The following KDM4C variants were observed in gnomAD, a reference collection of about 807,000 sequenced individuals.
KDM4C encodes the protein lysine demethylase 4C.
In KDM4C, 81 loss-of-function variants were observed where a neutral mutation model predicts 129.3. The ratio of observed to expected loss-of-function variants is 0.63; its 90% CI spans 0.52 to 0.75. The LOEUF is 0.75. Ranked by LOEUF, KDM4C falls within the 30% of genes least tolerant of loss-of-function variation. The pLI, the probability that KDM4C is intolerant of heterozygous loss-of-function variation, is 0.00. For synonymous variants in KDM4C, 573 were observed against 456.1 expected, an observed-to-expected ratio of 1.26 and a Z score of -3.26; for missense variants, 1,457 against 1,304.0, an observed-to-expected ratio of 1.12 and a Z score of -1.81.
chr9:6,974,606 C>G (rs1179743667), intron 8 of KDM4C, among the ~76,000 whole-genome samples: 6 of 152,176 alleles, frequency 3.9e-5, no homozygotes, highest in African/African-American at 1.2e-4. Context: ...GCTCTGCCCG[C>G]TTCGGCCTCT....
In KDM4C at chr9:7,054,780, G is replaced by C. The variant is rs555912291; in HGVS notation, c.2424+5580G>C. On this transcript the variant is annotated intron_variant, in intron 17 of 21. Coordinates refer to ENST00000381309, the MANE Select transcript of KDM4C (RefSeq NM_015061.6). Reference sequence around the variant, plus strand: ...TGGTATTTTTGTAAATAAGCCAGCAGAGCAGGTTTGTGGGTTTTAAGAAAT... The same window carrying C: ...TGGTATTTTTGTAAATAAGCCAGCACAGCAGGTTTGTGGGTTTTAAGAAAT... Among the ~76,000 whole-genome samples, 46 of 152,310 alleles carry C rather than the reference G, an allele frequency of 3.0e-4. 1 individual carries two copies. The highest frequency in any genetic ancestry group is 2.4e-3 in the Admixed American group (37 of 15,304).
At chr9:6,821,997 C>G (rs1240651462) in intron 4 of KDM4C, among the ~76,000 whole-genome samples, 1 of 152,144 alleles carries the variant, frequency 6.6e-6, no homozygotes, top group East Asian at 1.9e-4. Flanking sequence ...ACTAAAAAAT[C>G]TGAACACCAT....
chr9:7,123,552 T>C (rs56071158), intron 18 of KDM4C, among the ~76,000 whole-genome samples: 28,934 of 152,164 alleles, frequency 0.19, 2,869 homozygotes, highest in East Asian at 0.29. Context: ...CATCCATTCA[T>C]TCATTCACTG....
intron 9 of KDM4C, among the ~76,000 whole-genome samples, chr9:6,981,641 CT>C (rs1366145206): frequency 6.6e-6 from 1 of 152,146 alleles, no homozygotes. Context: ...TCCTTGTGAA[CT>C]TTATTCTCCA....
chr9:6,832,724 C>CTTTTT (rs35060245), intron 4 of KDM4C, among the ~76,000 whole-genome samples: 10 of 119,510 alleles, frequency 8.4e-5, no homozygotes, highest in African/African-American at 2.6e-4. Context: ...TGTGCCCGGC[C>CTTTTT]TTTTTTTTTT....
At chr9:6,757,618 C>T, upstream of KDM4C, 5 of 985,428 alleles carry the variant, frequency 5.1e-6, no homozygotes, top group Non-Finnish European at 6.0e-6. Flanking sequence ...TAACGCCACG[C>T]TGACGTCCGC....
intron 8 of KDM4C, among the ~76,000 whole-genome samples, chr9:6,934,172 A>T (rs1449266888): frequency 1.3e-5 from 2 of 151,614 alleles, no homozygotes; most frequent in Non-Finnish European, 2.9e-5. Context: ...CTGATTGTAA[A>T]AAAAATCACT....
chr9:6,734,376 C>G (rs1183926053), intron 1 of KDM4C, among the ~76,000 whole-genome samples: 1 of 148,400 alleles, frequency 6.7e-6, no homozygotes, highest in Non-Finnish European at 1.5e-5. Context: ...CCCACCACAA[C>G]CTCTGCCTCC....
intron 17 of KDM4C, among the ~76,000 whole-genome samples, chr9:7,062,056 C>T (rs977161976): frequency 2.6e-5 from 4 of 151,310 alleles, no homozygotes. Context: ...CAAGCTCCGC[C>T]TCCCAGGTTC....
At chr9:6,791,701 A>G (rs924011715) in intron 1 of KDM4C, among the ~76,000 whole-genome samples, 6 of 151,996 alleles carry the variant, frequency 3.9e-5, no homozygotes, top group African/African-American at 1.4e-4. Context: ...TAGAAGCAAC[A>G]TCTTTTGTAA....
chr9:7,143,139 AC>A (rs941845624), intron 19 of KDM4C, among the ~76,000 whole-genome samples: 3 of 151,666 alleles, frequency 2.0e-5, no homozygotes, highest in African/African-American at 4.9e-5. Context: ...GCTTATACTG[AC>A]CCCACTTTCA....
chr9:7,160,141 G>A (rs947380582), intron 19 of KDM4C, among the ~76,000 whole-genome samples: 3 of 152,150 alleles, frequency 2.0e-5, no homozygotes, highest in African/African-American at 2.4e-5. Context: ...AAGCTTGTGC[G>A]TGCGTCACAA....
At chr9:6,809,961 G>T (rs1464782944) in intron 3 of KDM4C, among the ~76,000 whole-genome samples, 4 of 152,062 alleles carry the variant, frequency 2.6e-5, no homozygotes, top group African/African-American at 9.7e-5. Flanking sequence ...TTGTACTCCA[G>T]CCTGGGTGAC....
chr9:6,919,577 A>ATCTG (rs979503352), intron 8 of KDM4C, among the ~76,000 whole-genome samples: 1 of 150,014 alleles, frequency 6.7e-6, no homozygotes, highest in African/African-American at 2.5e-5. Context: ...CTATCTATCT[A>ATCTG]TCTATCTATC....
chr9:7,004,497 A>G (rs1821297356), intron 12 of KDM4C, among the ~76,000 whole-genome samples: 1 of 152,202 alleles, frequency 6.6e-6, no homozygotes, highest in South Asian at 2.1e-4. Flanking sequence ...TATTCAACTA[A>G]TATGTTGTGT....
At chr9:6,899,327 A>T (rs1447584312) in intron 8 of KDM4C, among the ~76,000 whole-genome samples, 1 of 152,134 alleles carries the variant, frequency 6.6e-6, no homozygotes, top group African/African-American at 2.4e-5. Context: ...ACAATGATGC[A>T]TCATTATCCC....
intron 18 of KDM4C, among the ~76,000 whole-genome samples, chr9:7,106,645 G>A (rs1292031632): frequency 2.0e-5 from 3 of 151,944 alleles, no homozygotes; most frequent in Non-Finnish European, 4.4e-5. Context: ...TTCCATTAGT[G>A]TCATAAATTA....
chr9:6,828,971 A>G (rs560722567), intron 4 of KDM4C, among the ~76,000 whole-genome samples: 7 of 152,340 alleles, frequency 4.6e-5, no homozygotes, highest in African/African-American at 1.7e-4. Context: ...CACAGTTGAA[A>G]CATACTTAAA....
chr9:7,092,528 GA>G (rs1226783903), intron 17 of KDM4C, among the ~76,000 whole-genome samples: 4 of 152,134 alleles, frequency 2.6e-5, no homozygotes, highest in Admixed American at 1.3e-4. Context: ...ATTTATCATT[GA>G]AAACTACCAC....
Sources: gnomAD v4.1 joint callset for allele counts (sites outside exome capture counted in the v4.1 genomes callset) on GRCh38, gnomAD v4.1.1 for gene constraint, MANE v1.5 for transcripts, NCBI Gene and HGNC (gene_info 2026-07-23, HGNC 2026-07-21) for gene names.